MYL9: variants seen among roughly 807,000 people sequenced by gnomAD.
The protein encoded by MYL9 is myosin regulatory light polypeptide 9.
In MYL9, 7 loss-of-function variants were observed where a neutral mutation model predicts 12.8. That is an observed-to-expected ratio of 0.55 (90% confidence interval 0.31 to 1.03). The LOEUF (loss-of-function observed/expected upper bound fraction) is 1.03, where lower values mean the gene tolerates loss of function less well. MYL9 is among the 50% of genes least tolerant of loss of function. MYL9 has a pLI of 0.05. For synonymous variants in MYL9, 81 were observed against 87.8 expected (o/e 0.92, Z 0.43); for missense variants, 190 against 242.7 (o/e 0.78, Z 1.44).
At chr20:36,548,972 C>T (rs2038136858) in intron 3 of MYL9, 105 bp from the exon 4 acceptor site, 4 of 1,175,204 alleles carry the variant, frequency 3.4e-6, no homozygotes, top group Non-Finnish European at 4.8e-6. Context: ...TGTATCTTCC[C>T]AGCCCCTCTA....
At chr20:36,544,766 C>A in intron 1 of MYL9, 93 bp from the exon 2 acceptor site, 2 of 1,080,614 alleles carry the variant, frequency 1.9e-6, no homozygotes, top group Non-Finnish European at 2.6e-6. Flanking sequence ...GCCTTGAATG[C>A]CAGGCCGAAG....
Position 36,549,224 on chromosome 20 carries a change from A to G in MYL9, c.494A>G (p.His165Arg). The change falls in exon 4 of 4, where the codon CAT becomes CGT. Residue 165 changes from histidine (H) to arginine (R), a missense_variant. Physicochemically the swap from His to Arg is conservative, Grantham distance 29. Coordinates refer to ENST00000279022, the MANE Select transcript of MYL9 (RefSeq NM_006097.5). ...NYVEFTRILK[H>R]GAKDKDD is the part of the protein sequence containing the mutation. ...GTGGAGTTCACCCGCATCCTCAAAC[A>G]TGGCGCCAAGGATAAAGACGACTAG... The G allele has an allele frequency of 6.2e-7, 1 of 1,613,678 alleles. No individual in the cohort carries two copies. The highest frequency in any genetic ancestry group is 8.5e-7 in the Non-Finnish European group (1 of 1,179,882).
Position 36,545,017 on chromosome 20 carries a change from C to T in MYL9, c.133C>T (p.Arg45Cys), listed in dbSNP as rs1443730762. 3 of 1,614,028 alleles carry T rather than the reference C, an allele frequency of 1.9e-6. No individual in the cohort carries two copies. Among genetic ancestry groups the T allele is most frequent in the Non-Finnish European group, 2.5e-6 (3 of 1,180,032 alleles). Residue 45 changes from arginine to cysteine, a missense_variant, in exon 2 of 4, where the codon CGT becomes TGT. Physicochemically the swap from Arg to Cys is radical, Grantham distance 180 (BLOSUM62 -3). Transcript: ENST00000279022. ...KEAFNMIDQN[R>C]DGFIDKEDLH... ...GGCTTTCAACATGATTGACCAGAAC[C>T]GTGATGGCTTCATTGACAAGGAGGA...
At position 36,541,527 on chromosome 20, in the gene MYL9, G is replaced by T. The variant is rs901574147; in HGVS notation, c.-61G>T. On this transcript the variant is annotated 5_prime_UTR_variant, in exon 1 of 4. Transcript: ENST00000279022. ...GACCCGACGGCCGGCCCAGTTCCAC[G>T]CACCCAGCGAGCCCAAGCGCCTTCT... The T allele has an allele frequency of 5.2e-5, 8 of 153,208 alleles. No individual in the cohort carries two copies. The highest frequency in any genetic ancestry group is 1.7e-4 in the African/African-American group (7 of 41,476). The allele number at this position is 153,208 out of a possible 1,614,324, so 9.5% of individuals were successfully genotyped here.
At chr20:36,548,511 T>A (rs745436496) in intron 3 of MYL9, among the ~76,000 whole-genome samples, 4 of 152,148 alleles carry the variant, frequency 2.6e-5, no homozygotes, top group Admixed American at 2.6e-4. Flanking sequence ...TCCTCGGATC[T>A]CCTAACGGAT....
chr20:36,548,542 T>C (rs2038130567), intron 3 of MYL9, among the ~76,000 whole-genome samples: 1 of 152,246 alleles, frequency 6.6e-6, no homozygotes, highest in African/African-American at 2.4e-5. Context: ...TCAGCTCATT[T>C]TTCCCAGGGA....
At position 36,545,022 on chromosome 20, in the gene MYL9, TGGC is replaced by T; in HGVS notation, c.139_141del (p.Gly47del). The T allele has an allele frequency of 1.2e-6, 2 of 1,614,186 alleles. No individual in the cohort carries two copies. Among genetic ancestry groups the T allele is most frequent in the Non-Finnish European group, 1.7e-6 (2 of 1,180,042 alleles). On this transcript the variant is annotated inframe_deletion, in exon 2 of 4. Coordinates refer to ENST00000279022, the MANE Select transcript of MYL9 (RefSeq NM_006097.5). ...TCAACATGATTGACCAGAACCGTGA[TGGC>T]TTCATTGACAAGGAGGACCTGCACG... is the stretch of plus-strand genomic sequence containing the variant.
intron 2 of MYL9, among the ~76,000 whole-genome samples, chr20:36,546,108 T>G (rs532592558): frequency 3.0e-4 from 46 of 152,230 alleles, no homozygotes; most frequent in Non-Finnish European, 6.0e-4. Context: ...ATCAGGACCT[T>G]AGAACTAACA....
intron 2 of MYL9, among the ~76,000 whole-genome samples, chr20:36,546,901 C>A (rs2038107463): frequency 6.6e-6 from 1 of 152,148 alleles, no homozygotes; most frequent in Non-Finnish European, 1.5e-5. Flanking sequence ...CTGGCCAACT[C>A]CAGGGTTCTT....
At chr20:36,544,354 A>AGCTCCTTCC (rs1294819357) in intron 1 of MYL9, among the ~76,000 whole-genome samples, 1 of 152,290 alleles carries the variant, frequency 6.6e-6, no homozygotes, top group African/African-American at 2.4e-5. Flanking sequence ...ATGCTGATCC[A>AGCTCCTTCC]GCTCCTTCCT....
chr20:36,549,049 C>T (rs757378572), intron 3 of MYL9, 28 bp from the exon 4 acceptor site: 6 of 1,604,872 alleles, frequency 3.7e-6, no homozygotes, highest in Non-Finnish European at 4.3e-6. Context: ...CAAGTTCCTG[C>T]TCTCACCCAC....
At chr20:36,542,506 C>A (rs561114113) in intron 1 of MYL9, among the ~76,000 whole-genome samples, 19 of 152,190 alleles carry the variant, frequency 1.2e-4, no homozygotes, top group Non-Finnish European at 2.8e-4. Flanking sequence ...CTAAAGGCCC[C>A]ACCCATGCCT....
In MYL9 at chr20:36,550,894, C is replaced by G. The variant is rs1315947798; in HGVS notation, c.*1645C>G. 1 of 152,932 alleles carries G rather than the reference C, an allele frequency of 6.5e-6. No individual in the cohort carries two copies. The highest frequency in any genetic ancestry group is 2.4e-5 in the African/African-American group (1 of 41,448). 9.5% of individuals were successfully genotyped at this position (152,932 alleles called of 1,614,324 possible). ...GCAGGCCTCCAGCTACACACACGGCCCTGGGCAACTCTCAGTCTGGCCACC... is the reference window on the plus strand; with the variant it reads ...GCAGGCCTCCAGCTACACACACGGCGCTGGGCAACTCTCAGTCTGGCCACC... On this transcript the variant is annotated 3_prime_UTR_variant, in exon 4 of 4. Transcript: ENST00000279022.
At chr20:36,546,338 A>T (rs1434909333) in intron 2 of MYL9, among the ~76,000 whole-genome samples, 2 of 152,176 alleles carry the variant, frequency 1.3e-5, no homozygotes, top group African/African-American at 4.8e-5. Flanking sequence ...GTCCAGGACC[A>T]GAGGACACAG....
intron 3 of MYL9, among the ~76,000 whole-genome samples, chr20:36,548,599 C>T (rs888542446): frequency 3.3e-5 from 5 of 150,918 alleles, no homozygotes; most frequent in Non-Finnish European, 7.5e-5. Flanking sequence ...TGGGCCCGCA[C>T]GGGCCTGACT....
In MYL9 at chr20:36,549,150, C is replaced by T. The variant is rs561405672; in HGVS notation, c.420C>T (p.Asp140=). Residue 140 remains aspartate, a synonymous_variant, in exon 4 of 4, where the codon GAC becomes GAT. Transcript: ENST00000279022. ...MGDRFTDEEV[D]EMYREAPIDK... is the part of the protein sequence containing the mutation. ...ACCGCTTCACAGATGAGGAAGTGGACGAGATGTACCGGGAGGCACCCATTG... is the reference window on the plus strand; with the variant it reads ...ACCGCTTCACAGATGAGGAAGTGGATGAGATGTACCGGGAGGCACCCATTG... 18 of 1,613,918 alleles carry T rather than the reference C, an allele frequency of 1.1e-5. No homozygotes were observed. Among genetic ancestry groups the T allele is most frequent in the Non-Finnish European group, 1.4e-5 (16 of 1,179,990 alleles).
intron 2 of MYL9, 143 bp from the exon 3 acceptor site, chr20:36,547,889 C>A: frequency 1.9e-6 from 2 of 1,045,232 alleles, no homozygotes; most frequent in Non-Finnish European, 2.7e-6. Flanking sequence ...TGCGCTAGAG[C>A]CATGCTTTCC....
At chr20:36,548,845 C>T (rs1005666569) in intron 3 of MYL9, among the ~76,000 whole-genome samples, 3 of 152,168 alleles carry the variant, frequency 2.0e-5, no homozygotes, top group Non-Finnish European at 4.4e-5. Context: ...TCCCACTGCA[C>T]AACTCCTCCC....
At chr20:36,543,891 G>A (rs1328365781) in intron 1 of MYL9, among the ~76,000 whole-genome samples, 1 of 152,184 alleles carries the variant, frequency 6.6e-6, no homozygotes, top group Non-Finnish European at 1.5e-5. Context: ...GGGAACTGCA[G>A]AGGTCAGAAG....
Sources: gnomAD v4.1 joint callset for allele counts (sites outside exome capture counted in the v4.1 genomes callset) on GRCh38, gnomAD v4.1.1 for gene constraint, MANE v1.5 for transcripts, NCBI Gene and HGNC (gene_info 2026-07-23, HGNC 2026-07-21) for gene names.